Variants in ARHGEF33 observed in about 807,000 individuals in gnomAD.
The protein encoded by ARHGEF33 is Rho guanine nucleotide exchange factor 33.
ARHGEF33 carries 72 observed loss-of-function variants against 101.9 expected under a neutral mutation model. The observed-to-expected ratio is 0.71, with a 90% CI of 0.58 to 0.86. ARHGEF33 has a LOEUF of 0.86. Among genes scored for constraint, ARHGEF33 ranks in the 40% least tolerant of loss-of-function variants. ARHGEF33 has a pLI of 0.00. For missense variants in ARHGEF33, 1,169 were observed against 1,111.3 expected (o/e 1.05, Z -0.74); for synonymous variants, 499 against 442.5 (o/e 1.13, Z -1.60).
Position 38,956,966 on chromosome 2 carries a change from T to C in ARHGEF33, c.1289T>C (p.Leu430Pro). The C allele has an allele frequency of 6.4e-7, 1 of 1,552,304 alleles. No homozygotes were observed. The highest frequency in any genetic ancestry group is 8.7e-7 in the Non-Finnish European group (1 of 1,147,132). Residue 430 changes from leucine to proline, a missense_variant, in exon 14 of 18, where the codon CTC (leucine) becomes CCC (proline). Leu to Pro is a moderately conservative substitution (Grantham distance 98). Transcript: ENST00000409978. Reference protein sequence around the residue: ...YYLLLVCVQRLRVFISHYTLL... With the variant: ...YYLLLVCVQRPRVFISHYTLL... ...CTACTACTGGTGTGTGTCCAGCGCC[T>C]CCGAGTATTTATCTCACACTACACC...
chr2:38,898,157 G>A (rs1427437784), intron 2 of ARHGEF33, among the ~76,000 whole-genome samples: 1 of 152,126 alleles, frequency 6.6e-6, no homozygotes, highest in Non-Finnish European at 1.5e-5. Context: ...AAGTAGACGA[G>A]ACCACTTGAT....
At chr2:38,911,908 C>G (rs774810722) in intron 2 of ARHGEF33, among the ~76,000 whole-genome samples, 2 of 151,982 alleles carry the variant, frequency 1.3e-5, no homozygotes, top group Non-Finnish European at 2.9e-5. Flanking sequence ...AGTGCTTCCC[C>G]CAAAGCTGTA....
At chr2:38,929,936 T>G in intron 6 of ARHGEF33, 106 bp downstream of exon 6, 1 of 958,546 alleles carries the variant, frequency 1.0e-6, no homozygotes, top group Non-Finnish European at 1.5e-6. Context: ...AGCTGGCCAC[T>G]GTGCTCCACA....
Position 38,951,038 on chromosome 2 carries a change from C to T in ARHGEF33, c.970C>T (p.Leu324Phe), listed in dbSNP as rs184408864. ...RYLVQQHLDLLHALQERVLKW... is the reference protein window; with the variant it reads ...RYLVQQHLDLFHALQERVLKW... The stretch of plus-strand genomic sequence containing the variant: ...CCTCGTCCAGCAGCACCTGGATCTG[C>T]TTCACGCACTGCAGGAAAGGGTCCT... Residue 324 changes from leucine to phenylalanine, a missense_variant, in exon 11 of 18, where the codon CTT (leucine) becomes TTT (phenylalanine). By Grantham distance (22) the Leu-to-Phe change is conservative (BLOSUM62 0). Coordinates refer to ENST00000409978, the MANE Select transcript of ARHGEF33 (RefSeq NM_001145451.5). 26 of 1,552,142 alleles carry T rather than the reference C, an allele frequency of 1.7e-5. No individual in the cohort carries two copies. The East Asian group carries it at 2.4e-4, about 15-fold the overall frequency.
chr2:38,919,406 C>T lies in ARHGEF33; in HGVS notation c.-42C>T. ...GGCCTGAGCCAGGACGATGAGGATG[C>T]AATGTTGAAGAATAAGCTGGAGAAG... On this transcript the variant is annotated 5_prime_UTR_variant, in exon 3 of 18. The change creates a premature stop within an existing upstream ORF in the 5' untranslated region. Coordinates refer to ENST00000409978, the MANE Select transcript of ARHGEF33 (RefSeq NM_001145451.5). 1 of 1,550,488 alleles carries T rather than the reference C, an allele frequency of 6.4e-7. No homozygotes were observed. Among genetic ancestry groups the T allele is most frequent in the Non-Finnish European group, 8.7e-7 (1 of 1,145,946 alleles).
chr2:38,892,961 T>C (rs1386089508), intron 1 of ARHGEF33, among the ~76,000 whole-genome samples: 3 of 152,182 alleles, frequency 2.0e-5, no homozygotes, highest in Non-Finnish European at 4.4e-5. Context: ...ACCAGAGATA[T>C]GTGATCTTGT....
chr2:38,973,453 T>C (rs1668209792), intron 17 of ARHGEF33, among the ~76,000 whole-genome samples: 1 of 152,186 alleles, frequency 6.6e-6, no homozygotes, highest in African/African-American at 2.4e-5. Flanking sequence ...TCCCCTATTA[T>C]GATGTTATTA....
At chr2:38,962,117 A>AT (rs1020039614) in intron 16 of ARHGEF33, among the ~76,000 whole-genome samples, 35 of 152,228 alleles carry the variant, frequency 2.3e-4, no homozygotes, top group African/African-American at 6.7e-4. Flanking sequence ...GGGTTCTCAG[A>AT]TTTTCCTCTA....
intron 16 of ARHGEF33, among the ~76,000 whole-genome samples, chr2:38,965,430 G>A (rs1352098573): frequency 6.6e-6 from 1 of 152,146 alleles, no homozygotes; most frequent in Non-Finnish European, 1.5e-5. Context: ...TGTAAAAACT[G>A]TATTACAGGC....
chr2:38,954,355 G>C lies in ARHGEF33; in HGVS notation c.1138-18G>C. On this transcript the variant is annotated intron_variant, in intron 12 of 17. Transcript: ENST00000409978. ...CTGGAGGAACACTGAAGAGTAACTT[G>C]ACCTTTCTTTCATTCAGGGTGATGA... 1 of 1,484,694 alleles carries C rather than the reference G, an allele frequency of 6.7e-7. No homozygotes were observed. Among genetic ancestry groups the C allele is most frequent in the Non-Finnish European group, 9.2e-7 (1 of 1,086,290 alleles). The allele number at this position is 1,484,694 out of a possible 1,614,324, so 92.0% of individuals were successfully genotyped here.
Position 38,960,486 on chromosome 2 carries a change from C to A in ARHGEF33, c.2181C>A (p.Ser727Arg). 2 of 1,406,354 alleles carry A rather than the reference C, an allele frequency of 1.4e-6. No individual in the cohort carries two copies. Among genetic ancestry groups the A allele is most frequent in the Non-Finnish European group, 9.2e-7 (1 of 1,082,452 alleles). 87.1% of individuals were successfully genotyped at this position (1,406,354 alleles called of 1,614,324 possible). Residue 727 changes from serine (S) to arginine (R), a missense_variant, in exon 16 of 18, where the codon AGC becomes AGA. Physicochemically the swap from Ser to Arg is moderately radical, Grantham distance 110 (BLOSUM62 -1). Coordinates refer to ENST00000409978, the MANE Select transcript of ARHGEF33 (RefSeq NM_001145451.5). ...ACGGCGTGGCCCCACGCCTCTACAGCACGCGCAGCAGCAGCGGCGGCCGCG... is the reference window on the plus strand; with the variant it reads ...ACGGCGTGGCCCCACGCCTCTACAGAACGCGCAGCAGCAGCGGCGGCCGCG... The part of the protein sequence containing the change: ...PADGVAPRLY[S>R]TRSSSGGRAP...
At chr2:38,946,624 A>T (rs570892951) in intron 10 of ARHGEF33, among the ~76,000 whole-genome samples, 129 of 151,784 alleles carry the variant, frequency 8.5e-4, no homozygotes, top group Non-Finnish European at 1.5e-3. Flanking sequence ...TGTGTACTTT[A>T]TTTCTTTCTT....
At chr2:38,893,551 A>G (rs1290669067) in intron 1 of ARHGEF33, among the ~76,000 whole-genome samples, 1 of 152,106 alleles carries the variant, frequency 6.6e-6, no homozygotes. Flanking sequence ...TAATCCCCAC[A>G]AGGGAATTCA....
At position 38,973,932 on chromosome 2, in the gene ARHGEF33, C is replaced by G. The variant is rs1468067826; in HGVS notation, c.*89C>G. On this transcript the variant is annotated 3_prime_UTR_variant, in exon 18 of 18. Coordinates refer to ENST00000409978, the MANE Select transcript of ARHGEF33 (RefSeq NM_001145451.5). ...TAGGAATATATATATATATCTATAT[C>G]TATATATATATATATATCGATGTAT... is the stretch of plus-strand genomic sequence containing the variant. The G allele has an allele frequency of 3.5e-6, 2 of 568,194 alleles. No individual in the cohort carries two copies. The highest frequency in any genetic ancestry group is 4.1e-5 in the African/African-American group (2 of 48,238). The allele number at this position is 568,194 out of a possible 1,614,324, so 35.2% of individuals were successfully genotyped here. A position where few individuals can be genotyped will look rare whatever the true frequency, so the allele number is the denominator to read the frequency against.
intron 7 of ARHGEF33, among the ~76,000 whole-genome samples, chr2:38,933,271 T>G (rs1466793400): frequency 6.6e-6 from 1 of 152,208 alleles, no homozygotes; most frequent in Non-Finnish European, 1.5e-5. Context: ...CCAGTTCTTG[T>G]AACCTGGGCC....
In ARHGEF33 at chr2:38,960,537, G is replaced by A. The variant is rs1667900948; in HGVS notation, c.2232G>A (p.Ala744=). The A allele has an allele frequency of 2.4e-6, 3 of 1,254,478 alleles. No individual in the cohort carries two copies. Among genetic ancestry groups the A allele is most frequent in the Admixed American group, 4.4e-5 (1 of 22,806 alleles). The allele number at this position is 1,254,478 out of a possible 1,614,324, so 77.7% of individuals were successfully genotyped here. Residue 744 remains alanine (A), a synonymous_variant, in exon 16 of 18, where the codon GCG becomes GCA. Coordinates refer to ENST00000409978, the MANE Select transcript of ARHGEF33 (RefSeq NM_001145451.5). ...CGCCCATCAAGGCCGAGCGCGCCGC[G>A]CAGGCGCACGGCCCGGCCGCCGCCG... ...GRAPIKAERA[A]QAHGPAAAAV...
At chr2:38,962,849 CAAAAAAAAAA>C (rs386389985) in intron 16 of ARHGEF33, among the ~76,000 whole-genome samples, 7 of 56,124 alleles carry the variant, frequency 1.2e-4, no homozygotes, top group South Asian at 1.7e-3. Flanking sequence ...CCCGTCTCTA[CAAAAAAAAAA>C]AAAAAAAAAA....
intron 7 of ARHGEF33, among the ~76,000 whole-genome samples, chr2:38,932,407 G>A (rs1039904688): frequency 6.6e-6 from 1 of 151,994 alleles, no homozygotes; most frequent in Non-Finnish European, 1.5e-5. Context: ...GATTACAGGC[G>A]TGAGCCACCG....
intron 16 of ARHGEF33, among the ~76,000 whole-genome samples, chr2:38,962,324 A>G (rs1240748483): frequency 6.6e-6 from 1 of 152,244 alleles, no homozygotes; most frequent in Non-Finnish European, 1.5e-5. Flanking sequence ...TCTGTACTGT[A>G]AAGAACTTTT....
Sources: allele counts gnomAD v4.1 joint callset (sites outside exome capture counted in the v4.1 genomes callset), GRCh38; gene constraint gnomAD v4.1.1; transcripts MANE v1.5; gene names NCBI Gene and HGNC (gene_info 2026-07-23, HGNC 2026-07-21).